CLCNKB: variants seen among roughly 807,000 people sequenced by gnomAD.
CLCNKB encodes the protein chloride channel protein ClC-Kb.
In CLCNKB, 74 loss-of-function variants were observed where a neutral mutation model predicts 83.8. The ratio of observed to expected loss-of-function variants is 0.88; its 90% CI spans 0.73 to 1.07. The LOEUF is 1.07. CLCNKB is among the 50% of genes least tolerant of loss of function. CLCNKB has a pLI of 0.00. For synonymous variants in CLCNKB, 358 were observed against 356.6 expected, an observed-to-expected ratio of 1.00 and a Z score of -0.04; for missense variants, 798 against 893.6, an observed-to-expected ratio of 0.89 and a Z score of 1.36.
Position 16,049,815 on chromosome 1 carries a change from G to T in CLCNKB, c.867G>T (p.Gly289=). Residue 289 remains glycine, a splice_region_variant and synonymous_variant, in exon 10 of 20, where the codon GGG becomes GGT. Coordinates refer to ENST00000375679, the MANE Select transcript of CLCNKB (RefSeq NM_000085.5). ...GGGCTCATGTCTCCATGCTCCCCAGGGGTCTCTGTGGCATCCTGGGCAGCG... is the reference window on the plus strand; with the variant it reads ...GGGCTCATGTCTCCATGCTCCCCAGTGGTCTCTGTGGCATCCTGGGCAGCG... ...LPEIFFFVAL[G]GLCGILGSAY... is the part of the protein sequence containing the mutation. 1 of 1,613,828 alleles carries T rather than the reference G, an allele frequency of 6.2e-7. No homozygotes were observed. The highest frequency in any genetic ancestry group is 8.5e-7 in the Non-Finnish European group (1 of 1,179,892).
intron 18 of CLCNKB, among the ~76,000 whole-genome samples, chr1:16,056,084 T>G (rs1039526123): frequency 1.3e-5 from 2 of 152,212 alleles, no homozygotes; most frequent in Non-Finnish European, 2.9e-5. Flanking sequence ...ATTCTCCCTG[T>G]GTGATCTTGG....
At chr1:16,050,065 C>G (rs1307118483) in intron 10 of CLCNKB, 149 bp downstream of exon 10, 1 of 635,170 alleles carries the variant, frequency 1.6e-6, no homozygotes, top group African/African-American at 1.8e-5. Flanking sequence ...ACACCACCTA[C>G]AAGTCCCCAC....
Position 16,049,225 on chromosome 1 carries a change from C to T in CLCNKB, c.761C>T (p.Ala254Val), listed in dbSNP as rs762613611. ...TCGAFMFRLL[A>V]VFNSEQETIT... ...GGGGCCTTCATGTTCCGGCTCCTGGCGGTCTTCAACAGCGAGCAGGGTGAG... is the reference window on the plus strand; with the variant it reads ...GGGGCCTTCATGTTCCGGCTCCTGGTGGTCTTCAACAGCGAGCAGGGTGAG... The change falls in exon 8 of 20, where the codon GCG becomes GTG. Residue 254 changes from alanine to valine, a missense_variant. Transcript: ENST00000375679. 51 of 1,613,732 alleles carry T rather than the reference C, an allele frequency of 3.2e-5. 1 individual carries two copies. The South Asian group carries it at 4.4e-4, about 14-fold the overall frequency.
intron 12 of CLCNKB, 56 bp from the exon 13 acceptor site, chr1:16,051,422 G>A: frequency 6.3e-7 from 1 of 1,593,466 alleles, no homozygotes; most frequent in South Asian, 1.1e-5. Flanking sequence ...GTCCTCCCTT[G>A]TCCACGCCTT....
rs1415485463 is a variant in CLCNKB, at chr1:16,047,819, G to A, written c.359-86G>A. The A allele has an allele frequency of 7.6e-6, 11 of 1,449,458 alleles. No individual in the cohort carries two copies. In the Admixed American group the frequency reaches 1.2e-4, roughly 16 times the overall value. 89.8% of individuals were successfully genotyped at this position (1,449,458 alleles called of 1,614,324 possible). A position where few individuals can be genotyped will look rare whatever the true frequency, so the allele number is the denominator to read the frequency against. On this transcript the variant is annotated intron_variant, in intron 4 of 19. Coordinates refer to ENST00000375679, the MANE Select transcript of CLCNKB (RefSeq NM_000085.5). ...AGGGTTCTGCTGATCTGGCGAGATCGTAATGTGAAAACATCACACAGGTAG... is the reference window on the plus strand; with the variant it reads ...AGGGTTCTGCTGATCTGGCGAGATCATAATGTGAAAACATCACACAGGTAG...
rs9442224 is a variant in CLCNKB at position 16,044,246 on chromosome 1, C to T, written c.-7-240C>T. ...CAGTCTGCTGCTGGACACAGGGGGA[C>T]ACCTAGGAATCCCACCCCCATCCCA... On this transcript the variant is annotated intron_variant, in intron 1 of 19. Coordinates refer to ENST00000375679, the MANE Select transcript of CLCNKB (RefSeq NM_000085.5). Among the ~76,000 whole-genome samples the T allele has an allele frequency of 0.26, 39,634 of 151,788 alleles. 5,433 individuals carry two copies. Among genetic ancestry groups the T allele is most frequent in the Non-Finnish European group, 0.3 (20,174 of 67,850 alleles).
intron 3 of CLCNKB, 47 bp from the exon 4 acceptor site, chr1:16,046,488 G>T: frequency 6.2e-7 from 1 of 1,611,426 alleles, no homozygotes; most frequent in Non-Finnish European, 8.5e-7. Context: ...CTGGCCCCGA[G>T]GGCTGCAGAG....
Position 16,047,904 on chromosome 1 carries a change from G to A in CLCNKB, c.359-1G>A. On this transcript the variant is annotated splice_acceptor_variant, in intron 4 of 19. Coordinates refer to ENST00000375679, the MANE Select transcript of CLCNKB (RefSeq NM_000085.5). LOFTEE classifies it high-confidence loss of function. Reference sequence around the variant, plus strand: ...TCCTGGCCCTGCCCACCCCCGCCAAGGTTCTGGAATCCCGGAGGTGAAGAC... The same window carrying A: ...TCCTGGCCCTGCCCACCCCCGCCAAAGTTCTGGAATCCCGGAGGTGAAGAC... 6.2e-7 allele frequency: 1 copy of A among 1,613,530 alleles called. No homozygotes were observed. Among genetic ancestry groups the A allele is most frequent in the South Asian group, 1.1e-5 (1 of 91,044 alleles).
At chr1:16,056,631 A>G in intron 19 of CLCNKB, 123 bp downstream of exon 19, 1 of 1,139,500 alleles carries the variant, frequency 8.8e-7, no homozygotes, top group Non-Finnish European at 1.3e-6. Flanking sequence ...GATTCAGAGG[A>G]TACTGATGAG....
At chr1:16,045,786 G>T (rs956745473) in intron 3 of CLCNKB, 100 bp downstream of exon 3, 7 of 1,160,586 alleles carry the variant, frequency 6.0e-6, no homozygotes, top group East Asian at 2.9e-5. Context: ...GGTTGGGGGG[G>T]GTGCTCTGGG....
chr1:16,044,149 C>T (rs1322747113), intron 1 of CLCNKB, among the ~76,000 whole-genome samples: 1 of 152,052 alleles, frequency 6.6e-6, no homozygotes, highest in Admixed American at 6.5e-5. Flanking sequence ...CGCCAAGTGA[C>T]CCAGGAGGGT....
At chr1:16,044,656 T>A in intron 2 of CLCNKB, 64 bp downstream of exon 2, 1 of 1,366,952 alleles carries the variant, frequency 7.3e-7, no homozygotes, top group Non-Finnish European at 1.0e-6. Flanking sequence ...CCTGCCCAGC[T>A]CCCACCCCAC....
Position 16,056,403 on chromosome 1 carries a change from C to T in CLCNKB, c.1930-19C>T. 1.2e-6 allele frequency: 2 copies of T among 1,613,474 alleles called. No individual in the cohort carries two copies. The highest frequency in any genetic ancestry group is 1.7e-6 in the Non-Finnish European group (2 of 1,179,480). Reference sequence around the variant, plus strand: ...GGGCACCTTCTACCCTCCAGTGTTTCCTAACATCCCCCATCCAGGCACACA... The same window carrying T: ...GGGCACCTTCTACCCTCCAGTGTTTTCTAACATCCCCCATCCAGGCACACA... On this transcript the variant is annotated intron_variant, in intron 18 of 19. Transcript: ENST00000375679.
chr1:16,049,067 A>G lies in CLCNKB; in HGVS notation c.656-53A>G, dbSNP rs756620698. 2.5e-6 allele frequency: 4 copies of G among 1,611,358 alleles called. No homozygotes were observed. The East Asian group carries it at 6.7e-5, about 27-fold the overall frequency. Reference sequence around the variant, plus strand: ...AGGTGACATGGGGAGGGGGTCCTACAGTCACAGGTGGGTGGGGGTGGAGGG... The same window carrying G: ...AGGTGACATGGGGAGGGGGTCCTACGGTCACAGGTGGGTGGGGGTGGAGGG... On this transcript the variant is annotated intron_variant, in intron 7 of 19. Transcript: ENST00000375679.
At chr1:16,049,060 G>A (rs764904972) in intron 7 of CLCNKB, 60 bp from the exon 8 acceptor site, 6 of 1,612,966 alleles carry the variant, frequency 3.7e-6, no homozygotes, top group Non-Finnish European at 5.1e-6. Context: ...TGGGGAGGGG[G>A]TCCTACAGTC....
In CLCNKB at chr1:16,051,822, T is replaced by C. The variant is rs749318729; in HGVS notation, c.1408+2T>C. The C allele has an allele frequency of 6.2e-7, 1 of 1,608,240 alleles. No individual in the cohort carries two copies. Among genetic ancestry groups the C allele is most frequent in the South Asian group, 1.1e-5 (1 of 90,948 alleles). ...TGCCAGGGGGGTATGCTCTGGCAGGTGAGTGGGTCAGGGGCCTGCTGCGTG... is the reference window on the plus strand; with the variant it reads ...TGCCAGGGGGGTATGCTCTGGCAGGCGAGTGGGTCAGGGGCCTGCTGCGTG... On this transcript the variant is annotated splice_donor_variant, in intron 14 of 19. Transcript: ENST00000375679. LOFTEE classifies it high-confidence loss of function.
Position 16,055,689 on chromosome 1 carries a change from C to T in CLCNKB, c.1860C>T (p.Asp620=). Residue 620 remains aspartate, a synonymous_variant, in exon 18 of 20, where the codon GAC becomes GAT. Coordinates refer to ENST00000375679, the MANE Select transcript of CLCNKB (RefSeq NM_000085.5). ...CCCACCCCCAGCAGTGTCTCCAGGA[C>T]ATCTTGGCTGCAGGCTGCCCCACAG... is the stretch of plus-strand genomic sequence containing the variant. ...WAPGHQQCLQ[D]ILAAGCPTEP... is the part of the protein sequence containing the mutation. 6.2e-7 allele frequency: 1 copy of T among 1,613,866 alleles called. No individual in the cohort carries two copies. Among genetic ancestry groups the T allele is most frequent in the Non-Finnish European group, 8.5e-7 (1 of 1,180,010 alleles).
At position 16,048,394 on chromosome 1, in the gene CLCNKB, C is replaced by T. The variant is rs1351882928; in HGVS notation, c.550C>T (p.Arg184Cys). The T allele has an allele frequency of 6.2e-6, 10 of 1,613,976 alleles. No individual in the cohort carries two copies. Among genetic ancestry groups the T allele is most frequent in the Non-Finnish European group, 8.5e-6 (10 of 1,179,994 alleles). Residue 184 changes from arginine (R) to cysteine (C), a missense_variant, in exon 6 of 20, where the codon CGC becomes TGC. By Grantham distance (180) the Arg-to-Cys change is radical. Coordinates refer to ENST00000375679, the MANE Select transcript of CLCNKB (RefSeq NM_000085.5). The part of the protein sequence containing the change: ...VMMAAYLGRV[R>C]TTTIGEPENK... The stretch of plus-strand genomic sequence containing the variant: ...GATGGCTGCCTACCTGGGCCGTGTG[C>T]GCACCACGACCATCGGGGAGCCTGA...
Position 16,048,052 on chromosome 1 carries a change from C to T in CLCNKB, c.498+8C>T, listed in dbSNP as rs2023153296. ...CTCTTCCTCGGGAAAGTGGTATGGG[C>T]AGGGGTGAGGGCATCCCAACCACCC... On this transcript the variant is annotated splice_region_variant and intron_variant, in intron 5 of 19. Coordinates refer to ENST00000375679, the MANE Select transcript of CLCNKB (RefSeq NM_000085.5). The T allele has an allele frequency of 6.2e-7, 1 of 1,612,066 alleles. No individual in the cohort carries two copies. The highest frequency in any genetic ancestry group is 1.3e-5 in the African/African-American group (1 of 75,004).
Sources: allele counts gnomAD v4.1 joint callset (sites outside exome capture counted in the v4.1 genomes callset), GRCh38; gene constraint gnomAD v4.1.1; transcripts MANE v1.5; gene names NCBI Gene and HGNC (gene_info 2026-07-23, HGNC 2026-07-21).